Variants in LUZP1 observed in about 807,000 individuals in gnomAD.
LUZP1 encodes filamin mechanobinding actin cross-linking protein.
LUZP1 carries 25 observed loss-of-function variants against 71.3 expected under a neutral mutation model. The observed-to-expected ratio is 0.35, with a 90% CI of 0.26 to 0.49. The LOEUF (loss-of-function observed/expected upper bound fraction) is 0.49. LUZP1 is among the 20% of genes least tolerant of loss of function. LUZP1 has a pLI of 0.99. For missense variants in LUZP1, 1,142 were observed against 1,300.8 expected, an observed-to-expected ratio of 0.88 and a Z score of 1.88; for synonymous variants, 481 against 506.4, an observed-to-expected ratio of 0.95 and a Z score of 0.67.
chr1:23,093,780 TTGACTC>T lies in LUZP1; in HGVS notation c.476_481del (p.Arg159_Val160del). The T allele has an allele frequency of 1.9e-6, 3 of 1,614,054 alleles. No individual in the cohort carries two copies. Among genetic ancestry groups the T allele is most frequent in the Non-Finnish European group, 1.7e-6 (2 of 1,180,022 alleles). ...CTCAGAAGATTCTAGTTCTTTCACT[TTGACTC>T]TGAGCATTTCCAGCTCAGAGGAGAT... On this transcript the variant is annotated inframe_deletion, in exon 4 of 5. Coordinates refer to ENST00000302291, the Ensembl canonical transcript of LUZP1. The surrounding 1 kb of genome is among the most constrained non-coding windows in gnomAD (Gnocchi z 4.2).
chr1:23,091,076 C>G, intron 4 of LUZP1, 114 bp downstream of exon 3: 3 of 1,108,032 alleles, frequency 2.7e-6, no homozygotes, highest in Non-Finnish European at 3.9e-6. Flanking sequence ...GAACCCAGTT[C>G]TACTCAGTTC....
chr1:23,120,811 G>A (rs1644123936), intron 2 of LUZP1, among the ~76,000 whole-genome samples: 1 of 152,066 alleles, frequency 6.6e-6, no homozygotes, highest in East Asian at 1.9e-4. Context: ...GCTAACCTAA[G>A]GCAAGCTGAT....
Position 23,093,444 on chromosome 1 carries a change from T to C in LUZP1, c.818A>G (p.Asn273Ser). 1.2e-6 allele frequency: 2 copies of C among 1,613,466 alleles called. No individual in the cohort carries two copies. Among genetic ancestry groups the C allele is most frequent in the Admixed American group, 1.7e-5 (1 of 59,890 alleles). The stretch of plus-strand genomic sequence containing the variant: ...GCGGTTCTTTTCATTTTCTGATTTG[T>C]TTCTTGTTTCATTCTCTACCTGCTT... Residue 273 changes from asparagine (N) to serine (S), a missense_variant, in exon 4 of 5, where the codon AAC (asparagine) becomes AGC (serine). Transcript: ENST00000302291. This position sits in a 1 kb window ranked among gnomAD's most constrained non-coding sequence, Gnocchi z 4.2.
chr1:23,102,497 T>C (rs561873203), intron 3 of LUZP1, among the ~76,000 whole-genome samples: 1 of 152,354 alleles, frequency 6.6e-6, no homozygotes, highest in South Asian at 2.1e-4. Flanking sequence ...TTTGATAGTA[T>C]ACACATAAGT....
Position 23,092,167 on chromosome 1 carries a change from C to G in LUZP1, c.2095G>C (p.Ala699Pro), listed in dbSNP as rs1643864227. 4 of 1,613,984 alleles carry G rather than the reference C, an allele frequency of 2.5e-6. No individual in the cohort carries two copies. The African/African-American group carries it at 4.0e-5, about 16-fold the overall frequency. The stretch of plus-strand genomic sequence containing the variant: ...TTCTCAAATAGGGAGGTTCTAGGTG[C>G]CCCTCGGGTTTTAGCCTTTTCTCTA... The change falls in exon 4 of 5, where the codon GCA (alanine) becomes CCA (proline). Residue 699 changes from alanine to proline, a missense_variant. Coordinates refer to ENST00000302291, the Ensembl canonical transcript of LUZP1.
At chr1:23,149,079 T>TTA (rs1304004735) in intron 2 of LUZP1, among the ~76,000 whole-genome samples, 1 of 37,408 alleles carries the variant, frequency 2.7e-5, no homozygotes, top group African/African-American at 1.2e-4. Flanking sequence ...ACACCTTGCC[T>TTA]AAAAAAAAAA....
Position 23,092,185 on chromosome 1 carries a change from T to A in LUZP1, c.2077A>T (p.Lys693Ter). 1 of 1,614,136 alleles carries A rather than the reference T, an allele frequency of 6.2e-7. No individual in the cohort carries two copies. Among genetic ancestry groups the A allele is most frequent in the Non-Finnish European group, 8.5e-7 (1 of 1,179,992 alleles). ...CTAGGTGCCCCTCGGGTTTTAGCCT[T>A]TTCTCTAGAGTTAGGCTGTGGTTTG... The change falls in exon 4 of 5, where the codon AAG (lysine) becomes TAG (stop). Residue 693 changes from lysine to a stop codon, truncating the protein, a stop_gained. Coordinates refer to ENST00000302291, the Ensembl canonical transcript of LUZP1. LOFTEE classifies it high-confidence loss of function.
intron 3 of LUZP1, among the ~76,000 whole-genome samples, chr1:23,103,823 GGAGGAAGA>G (rs1160489028): frequency 3.1e-4 from 40 of 127,942 alleles, no homozygotes; most frequent in Non-Finnish European, 5.7e-4. Flanking sequence ...AAGGAGGGAG[GGAGGAAGA>G]GAGGGAGAGA....
chr1:23,142,534 T>A (rs1644311286), intron 2 of LUZP1, among the ~76,000 whole-genome samples: 1 of 152,008 alleles, frequency 6.6e-6, no homozygotes, highest in Admixed American at 6.6e-5. Context: ...GGGGCATATG[T>A]GGCCTCGGGA....
intron 4 of LUZP1, chr1:23,090,336 AC>A (rs1404948890): frequency 6.5e-6 from 1 of 153,084 alleles, no homozygotes; most frequent in East Asian, 1.9e-4. Context: ...GTAGTGAAGT[AC>A]TTTTGTCCAG....
chr1:23,119,003 C>G (rs1363366786), intron 2 of LUZP1, among the ~76,000 whole-genome samples: 1 of 152,176 alleles, frequency 6.6e-6, no homozygotes, highest in African/African-American at 2.4e-5. Flanking sequence ...GTTTATCTGA[C>G]ACCATCTCCT....
chr1:23,118,384 C>T (rs531863076), intron 2 of LUZP1, among the ~76,000 whole-genome samples: 1 of 152,190 alleles, frequency 6.6e-6, no homozygotes, highest in East Asian at 1.9e-4. Flanking sequence ...GGCAAGAGAG[C>T]AAGACTCCAT....
At chr1:23,153,654 C>G (rs1016536102) in intron 2 of LUZP1, among the ~76,000 whole-genome samples, 1 of 152,182 alleles carries the variant, frequency 6.6e-6, no homozygotes, top group African/African-American at 2.4e-5. Context: ...TGCCCTTTCT[C>G]TTACCTGTTT....
chr1:23,172,519 A>AT (rs1268800611), intron 1 of LUZP1, among the ~76,000 whole-genome samples: 158 of 143,348 alleles, frequency 1.1e-3, no homozygotes, highest in Middle Eastern at 3.8e-3. Flanking sequence ...TTATTTTTTT[A>AT]TTTTTTTTTT....
chr1:23,097,587 A>G (rs1643899984), intron 3 of LUZP1, among the ~76,000 whole-genome samples: 1 of 152,208 alleles, frequency 6.6e-6, no homozygotes, highest in Non-Finnish European at 1.5e-5. Context: ...GCAATGACTC[A>G]TATCTATAAT....
At chr1:23,111,651 G>C (rs927866434) in intron 2 of LUZP1, among the ~76,000 whole-genome samples, 4 of 152,144 alleles carry the variant, frequency 2.6e-5, no homozygotes, top group Non-Finnish European at 4.4e-5. Flanking sequence ...TCCACCCTCT[G>C]CTTTTAAAAA....
intron 3 of LUZP1, 75 bp downstream of exon 2, chr1:23,108,947 T>C (rs1421490486): frequency 6.6e-6 from 1 of 152,212 alleles, no homozygotes; most frequent in Non-Finnish European, 1.5e-5. Flanking sequence ...CTTCCAGTAG[T>C]GGCAAAATTA....
At chr1:23,119,133 C>T (rs1297349430) in intron 2 of LUZP1, among the ~76,000 whole-genome samples, 1 of 151,852 alleles carries the variant, frequency 6.6e-6, no homozygotes, top group Non-Finnish European at 1.5e-5. Context: ...TTTTTTTATA[C>T]TTACTATCCC....
At position 23,091,281 on chromosome 1, in the gene LUZP1, T is replaced by C. The variant is rs1192419946; in HGVS notation, c.2981A>G (p.Gln994Arg). Residue 994 changes from glutamine to arginine, a missense_variant, in exon 4 of 5, where the codon CAA becomes CGA. By Grantham distance (43) the Gln-to-Arg change is conservative (BLOSUM62 1). Transcript: ENST00000302291. Reference sequence around the variant, plus strand: ...CACCTCTGACACAGTGAGGCTACTTTGGGTCCTTCTGGAGGAGGGCTCAGG... The same window carrying C: ...CACCTCTGACACAGTGAGGCTACTTCGGGTCCTTCTGGAGGAGGGCTCAGG... 6 of 1,613,952 alleles carry C rather than the reference T, an allele frequency of 3.7e-6. No individual in the cohort carries two copies. The Admixed American group carries it at 1.0e-4, about 27-fold the overall frequency.
Sources: allele counts gnomAD v4.1 joint callset (sites outside exome capture counted in the v4.1 genomes callset), GRCh38; gene constraint gnomAD v4.1.1; non-coding constraint Gnocchi (gnomAD v3.1); transcripts MANE v1.5; gene names NCBI Gene and HGNC (gene_info 2026-07-23, HGNC 2026-07-21).